APOO: variants seen among roughly 807,000 people sequenced by gnomAD.
APOO encodes the protein apolipoprotein O.
APOO carries 11 observed loss-of-function variants against 23.1 expected under a neutral mutation model. That is an observed-to-expected ratio of 0.48 (90% CI 0.30 to 0.79). The LOEUF (loss-of-function observed/expected upper bound fraction) is 0.79, where lower values mean the gene tolerates loss of function less well. Among genes scored for constraint, APOO ranks in the 30% least tolerant of loss-of-function variants. The probability of loss-of-function intolerance (pLI) is 0.07; values close to 1 mark genes in which losing one functional copy is unlikely to be tolerated. For missense variants in APOO, 160 were observed against 142.7 expected, an observed-to-expected ratio of 1.12 and a Z score of -0.62; for synonymous variants, 59 against 54.8, an observed-to-expected ratio of 1.08 and a Z score of -0.34.
intron 2 of APOO, among the ~76,000 whole-genome samples, chrX:23,879,766 G>A (rs1018189954): frequency 8.9e-6 from 1 of 112,376 alleles, no homozygotes; most frequent in African/African-American, 3.2e-5. Context: ...TTGGTCTGAT[G>A]TTAATCAAAG....
chrX:23,888,558 A>G (rs953231928), intron 1 of APOO, among the ~76,000 whole-genome samples: 6 of 111,288 alleles, frequency 5.4e-5, no homozygotes, highest in African/African-American at 2.0e-4. Flanking sequence ...TTAACATTCA[A>G]AAAAAGATTC....
intron 8 of APOO, among the ~76,000 whole-genome samples, chrX:23,838,007 A>C (rs868497371): frequency 1.1e-5 from 1 of 92,262 alleles, no homozygotes; most frequent in Non-Finnish European, 2.2e-5. Context: ...ATCTATCTAT[A>C]TTTAAAAGTC....
intron 4 of APOO, 142 bp downstream of exon 4, chrX:23,874,261 C>A (rs1409004951): frequency 4.3e-5 from 23 of 541,040 alleles, no homozygotes; most frequent in Non-Finnish European, 6.7e-5. Flanking sequence ...GCTCCTCTTC[C>A]CAGAAAAATC....
intron 1 of APOO, among the ~76,000 whole-genome samples, chrX:23,895,598 T>C (rs1341755195): frequency 9.0e-6 from 1 of 111,229 alleles, no homozygotes; most frequent in Non-Finnish European, 1.9e-5. Flanking sequence ...ACATGGCATG[T>C]GTACCTATGT....
chrX:23,837,333 C>T (rs749441112), intron 8 of APOO: 12 of 841,736 alleles, frequency 1.4e-5, no homozygotes, highest in South Asian at 4.3e-5. Flanking sequence ...TCGCAGTAGA[C>T]GCAGCAAAGA....
intron 2 of APOO, among the ~76,000 whole-genome samples, chrX:23,880,628 G>A (rs1037811879): frequency 9.1e-6 from 1 of 110,197 alleles, no homozygotes; most frequent in Non-Finnish European, 1.9e-5. Flanking sequence ...GAACCAGGAG[G>A]AGGAGGTTGC....
At chrX:23,840,492 T>A in intron 7 of APOO, 115 bp from the exon 8 acceptor site, 1 of 618,648 alleles carries the variant, frequency 1.6e-6, no homozygotes, top group Non-Finnish European at 2.4e-6. Flanking sequence ...GGGGACAGGG[T>A]CAAACCATTT....
intron 5 of APOO, among the ~76,000 whole-genome samples, chrX:23,861,139 C>T (rs1031901116): frequency 1.8e-5 from 2 of 110,721 alleles, no homozygotes; most frequent in Non-Finnish European, 3.8e-5. Flanking sequence ...ATGTTGTTCT[C>T]TCTGAATCTC....
chrX:23,847,021 T>C (rs1026625506), intron 7 of APOO, among the ~76,000 whole-genome samples: 1 of 108,879 alleles, frequency 9.2e-6, no homozygotes, highest in Non-Finnish European at 1.9e-5. Context: ...AAATGACCCA[T>C]ATAAAAAGTG....
chrX:23,902,564 C>T (rs753234507), intron 1 of APOO, among the ~76,000 whole-genome samples: 2 of 111,900 alleles, frequency 1.8e-5, no homozygotes, highest in Non-Finnish European at 3.8e-5. Context: ...CTTCCTGCAG[C>T]AGCACAAGGA....
chrX:23,882,296 G>T, intron 1 of APOO, among the ~76,000 whole-genome samples: 1 of 112,055 alleles, frequency 8.9e-6, no homozygotes, highest in African/African-American at 3.2e-5. Context: ...ATGGGAATTT[G>T]CAGCCATACG....
rs139341784 is a variant in APOO at position 23,881,101 on chromosome X, G to A, written c.10-149C>T. The A allele has an allele frequency of 2.0e-3, 617 of 307,157 alleles. 9 individuals carry two copies. Among genetic ancestry groups the A allele is most frequent in the African/African-American group, 0.016 (569 of 36,628 alleles). The allele number at this position is 307,157 out of a possible 1,213,427, so 25.3% of individuals were successfully genotyped here. On this transcript the variant is annotated intron_variant, in intron 1 of 8. Coordinates refer to ENST00000379226, the MANE Select transcript of APOO (RefSeq NM_024122.5). ...TTTATTTTTATGTTTTCAAGATGGA[G>A]TCTTGCTCTGTTACCCAGGCTGCGG...
intron 1 of APOO, among the ~76,000 whole-genome samples, chrX:23,890,199 AGAGT>A (rs1240014228): frequency 8.9e-6 from 1 of 112,242 alleles, no homozygotes; most frequent in African/African-American, 3.2e-5. Flanking sequence ...AAAAAGAAAC[AGAGT>A]GACTGGCCAC....
intron 1 of APOO, among the ~76,000 whole-genome samples, chrX:23,893,472 TC>T (rs1268432106): frequency 9.1e-6 from 1 of 110,204 alleles, no homozygotes; most frequent in Non-Finnish European, 1.9e-5. Context: ...GAGAAATGAG[TC>T]CACAATTCTT....
intron 1 of APOO, among the ~76,000 whole-genome samples, chrX:23,903,160 G>A (rs1438336188): frequency 5.4e-5 from 6 of 111,303 alleles, no homozygotes; most frequent in Admixed American, 9.6e-5. Context: ...ACAAGGTCAG[G>A]AGTTTGAGAC....
Position 23,863,531 on chromosome X carries a change from T to C in APOO, c.389-4798A>G, listed in dbSNP as rs185651527. ...CTAGAATACATGGCTTTGAAAGTTTTGATGGCAAACAAAATTCAGTGCCCA... is the reference window on the plus strand; with the variant it reads ...CTAGAATACATGGCTTTGAAAGTTTCGATGGCAAACAAAATTCAGTGCCCA... On this transcript the variant is annotated intron_variant, in intron 5 of 8. Transcript: ENST00000379226. 2.4e-3 allele frequency among the ~76,000 whole-genome samples: 274 copies of C among 112,073 alleles called. 2 individuals carry two copies. The highest frequency in any genetic ancestry group is 9.2e-3 in the Middle Eastern group (2 of 218).
intron 7 of APOO, among the ~76,000 whole-genome samples, chrX:23,842,900 C>T (rs759208692): frequency 1.2e-4 from 13 of 111,516 alleles, no homozygotes; most frequent in African/African-American, 3.3e-4. Context: ...CCCAGCTGCT[C>T]GGGAGGCTGA....
chrX:23,899,405 A>G (rs1384220806), intron 1 of APOO, among the ~76,000 whole-genome samples: 1 of 112,415 alleles, frequency 8.9e-6, no homozygotes. Flanking sequence ...AACCTACCAC[A>G]TTAAGAAATT....
intron 7 of APOO, among the ~76,000 whole-genome samples, chrX:23,846,773 C>T (rs1288216977): frequency 1.8e-5 from 2 of 111,064 alleles, no homozygotes; most frequent in African/African-American, 3.3e-5. Context: ...GAAAGGGTTT[C>T]GGATTAGCAA....
Sources: gnomAD v4.1 joint callset for allele counts (sites outside exome capture counted in the v4.1 genomes callset) on GRCh38, gnomAD v4.1.1 for gene constraint, MANE v1.5 for transcripts, NCBI Gene and HGNC (gene_info 2026-07-23, HGNC 2026-07-21) for gene names.